Variants in LUZP2 observed in about 807,000 individuals in gnomAD.
LUZP2 encodes leucine zipper protein 2.
A neutral mutation model predicts 51.6 loss-of-function variants in LUZP2; 52 were observed. That is an observed-to-expected ratio of 1.01 (90% CI 0.81 to 1.27). The LOEUF (loss-of-function observed/expected upper bound fraction) is 1.27. Ranked by LOEUF, LUZP2 falls within the 50% of genes most tolerant of loss-of-function variation. The pLI is 0.00. For missense variants in LUZP2, 436 were observed against 395.4 expected (o/e 1.10, Z -0.87); for synonymous variants, 154 against 137.3 (o/e 1.12, Z -0.85).
rs1391934332 is a variant in LUZP2 at position 24,611,771 on chromosome 11, A to C, written c.62+114466A>C. ...CCAAGATATAACTACCTCATTTATC[A>C]CCATTATACAAATAAGAAAAGGGAT... is the stretch of plus-strand genomic sequence containing the variant. On this transcript the variant is annotated intron_variant, in intron 1 of 11. Transcript: ENST00000336930. The surrounding 1 kb of genome is among the most constrained non-coding windows in gnomAD (Gnocchi z 4.6). 2.0e-5 allele frequency among the ~76,000 whole-genome samples: 3 copies of C among 152,166 alleles called. No individual in the cohort carries two copies. The highest frequency in any genetic ancestry group is 4.8e-5 in the African/African-American group (2 of 41,446).
intron 5 of LUZP2, among the ~76,000 whole-genome samples, chr11:24,788,148 C>G: frequency 6.7e-6 from 1 of 149,432 alleles, no homozygotes; most frequent in East Asian, 2.0e-4. Flanking sequence ...AATTCTTTCA[C>G]TGTAACAGAT....
At position 24,584,433 on chromosome 11, in the gene LUZP2, C is replaced by G. The variant is rs117538000; in HGVS notation, c.62+87128C>G. Among the ~76,000 whole-genome samples, 213 of 152,170 alleles carry G rather than the reference C, an allele frequency of 1.4e-3. 2 individuals carry two copies. The East Asian group carries it at 0.029, about 20-fold the overall frequency. On this transcript the variant is annotated intron_variant, in intron 1 of 11. Transcript: ENST00000336930. ...ATTGTCAACCATTTATTTCTGTTCA[C>G]CAAAGAAGTAAACAGCTGGATACTT...
intron 1 of LUZP2, among the ~76,000 whole-genome samples, chr11:24,518,583 T>C (rs1850549518): frequency 6.6e-6 from 1 of 152,220 alleles, no homozygotes; most frequent in African/African-American, 2.4e-5. Flanking sequence ...TTTAGAATGT[T>C]AAGATGATAA....
At chr11:24,581,561 C>G (rs1167317592) in intron 1 of LUZP2, among the ~76,000 whole-genome samples, 1 of 151,866 alleles carries the variant, frequency 6.6e-6, no homozygotes, top group Admixed American at 6.6e-5. Context: ...ATCGCAGATA[C>G]TCAGGAGGCT....
chr11:24,929,495 A>G (rs1369752135), intron 7 of LUZP2, among the ~76,000 whole-genome samples: 4 of 152,098 alleles, frequency 2.6e-5, no homozygotes, highest in African/African-American at 9.7e-5. Flanking sequence ...ATTGAGGAGT[A>G]GGTTATTTAA....
intron 1 of LUZP2, among the ~76,000 whole-genome samples, chr11:24,553,739 A>G (rs1427162684): frequency 6.6e-6 from 1 of 152,146 alleles, no homozygotes; most frequent in Non-Finnish European, 1.5e-5. Context: ...AAGCTATGGT[A>G]CGTATCTGTG....
intron 1 of LUZP2, among the ~76,000 whole-genome samples, chr11:24,583,637 G>A (rs1040671678): frequency 6.6e-6 from 1 of 151,440 alleles, no homozygotes; most frequent in Non-Finnish European, 1.5e-5. Context: ...ATTCAGTCTT[G>A]TTTAGAAGAA....
chr11:25,000,048 A>ATCCATTTTACAGATTGCTGATTGG (rs1554952646), intron 9 of LUZP2, among the ~76,000 whole-genome samples: 6 of 150,794 alleles, frequency 4.0e-5, no homozygotes, highest in Non-Finnish European at 7.4e-5. Flanking sequence ...GCACTGATTG[A>ATCCATTTTACAGATTGCTGATTGG]TCCATTTTAC....
At chr11:24,684,977 G>A (rs73437107) in intron 1 of LUZP2, among the ~76,000 whole-genome samples, 1,936 of 151,708 alleles carry the variant, frequency 0.013, 53 homozygotes, top group African/African-American at 0.045. Flanking sequence ...TCTTAAAGTG[G>A]ATGCTTATGT....
intron 4 of LUZP2, among the ~76,000 whole-genome samples, chr11:24,756,049 A>G (rs1590459637): frequency 6.6e-6 from 1 of 151,886 alleles, no homozygotes; most frequent in Non-Finnish European, 1.5e-5. Flanking sequence ...TATAATAACA[A>G]CCTTGGCTTT....
At chr11:25,042,687 C>G (rs1463328206) in intron 9 of LUZP2, among the ~76,000 whole-genome samples, 1 of 152,138 alleles carries the variant, frequency 6.6e-6, no homozygotes, top group Non-Finnish European at 1.5e-5. Flanking sequence ...AGGGGAGAAT[C>G]CATTCTATGC....
At chr11:24,827,615 T>C (rs12790968) in intron 5 of LUZP2, among the ~76,000 whole-genome samples, 2,405 of 152,084 alleles carry the variant, frequency 0.016, 28 homozygotes, top group Non-Finnish European at 0.023. Flanking sequence ...ATGACTAAAA[T>C]AGAAGGGGCG....
intron 5 of LUZP2, among the ~76,000 whole-genome samples, chr11:24,876,778 A>G (rs982818225): frequency 6.7e-6 from 1 of 150,230 alleles, no homozygotes; most frequent in African/African-American, 2.5e-5. Flanking sequence ...TTTCATTGAG[A>G]AGTGGTTTGT....
chr11:24,686,641 G>A (rs1856904450), intron 1 of LUZP2, among the ~76,000 whole-genome samples: 1 of 152,070 alleles, frequency 6.6e-6, no homozygotes, highest in Admixed American at 6.6e-5. Flanking sequence ...TATTTATAAA[G>A]GGAATACCTA....
intron 1 of LUZP2, among the ~76,000 whole-genome samples, chr11:24,675,953 G>A (rs1856534944): frequency 6.6e-6 from 1 of 151,812 alleles, no homozygotes; most frequent in Admixed American, 6.6e-5. Flanking sequence ...TGAGCATCTG[G>A]GATTACAGGT....
intron 1 of LUZP2, among the ~76,000 whole-genome samples, chr11:24,666,970 T>C (rs540814775): frequency 4.6e-5 from 7 of 152,196 alleles, no homozygotes; most frequent in Non-Finnish European, 1.0e-4. Flanking sequence ...TCTTTTGCAT[T>C]GTGTATGTCA....
At chr11:25,003,477 A>G (rs1856751108) in intron 9 of LUZP2, among the ~76,000 whole-genome samples, 1 of 152,210 alleles carries the variant, frequency 6.6e-6, no homozygotes, top group African/African-American at 2.4e-5. Flanking sequence ...AACTGGATAT[A>G]GAGGAATTAC....
At chr11:24,654,615 G>A in intron 1 of LUZP2, among the ~76,000 whole-genome samples, 1 of 151,866 alleles carries the variant, frequency 6.6e-6, no homozygotes, top group African/African-American at 2.4e-5. Flanking sequence ...CCATTCTCCT[G>A]CCTCAGCACT....
intron 4 of LUZP2, among the ~76,000 whole-genome samples, chr11:24,756,461 A>C (rs1325349973): frequency 2.0e-5 from 3 of 152,206 alleles, no homozygotes; most frequent in Admixed American, 6.5e-5. Flanking sequence ...TACCTTGAGT[A>C]ACCAAATGCA....
Sources: gnomAD v4.1 joint callset for allele counts (sites outside exome capture counted in the v4.1 genomes callset) on GRCh38, gnomAD v4.1.1 for gene constraint, Gnocchi (gnomAD v3.1) non-coding constraint, MANE v1.5 for transcripts, NCBI Gene and HGNC (gene_info 2026-07-23, HGNC 2026-07-21) for gene names.